Variants in C19orf18 observed in about 807,000 individuals in gnomAD.
The protein encoded by C19orf18 is uncharacterized protein C19orf18.
In C19orf18, 21 loss-of-function variants were observed where a neutral mutation model predicts 23.3. That is an observed-to-expected ratio of 0.90 (90% CI 0.64 to 1.30). The LOEUF is 1.30. C19orf18 is among the 50% of genes most tolerant of loss of function. The pLI is 0.00. For synonymous variants in C19orf18, 96 were observed against 95.2 expected, an observed-to-expected ratio of 1.01 and a Z score of -0.05; for missense variants, 249 against 259.6, an observed-to-expected ratio of 0.96 and a Z score of 0.28.
At position 57,966,561 on chromosome 19, in the gene C19orf18, T is replaced by C. The variant is rs2072909426; in HGVS notation, c.340A>G (p.Ile114Val). 1 of 1,611,976 alleles carries C rather than the reference T, an allele frequency of 6.2e-7. No homozygotes were observed. Among genetic ancestry groups the C allele is most frequent in the East Asian group, 2.2e-5 (1 of 44,872 alleles). ...ISSVAFSIALICGMAISYMIY... is the reference protein window; with the variant it reads ...ISSVAFSIALVCGMAISYMIY... ...ATATAGGAGATTGCCATCCCACATATCAGGGCAATGCTGAAGGCTACGCTC... is the reference window on the plus strand; with the variant it reads ...ATATAGGAGATTGCCATCCCACATACCAGGGCAATGCTGAAGGCTACGCTC... The change falls in exon 4 of 6, where the codon ATA becomes GTA. Residue 114 changes from isoleucine (I) to valine (V), a missense_variant. Transcript: ENST00000314391.
intron 4 of C19orf18, among the ~76,000 whole-genome samples, chr19:57,965,989 T>C (rs894215620): frequency 3.3e-5 from 5 of 151,688 alleles, no homozygotes; most frequent in Non-Finnish European, 7.4e-5. Flanking sequence ...TTTTCTTTTT[T>C]TTTTTTTCAG....
chr19:57,960,766 C>G (rs1409847541), intron 5 of C19orf18, among the ~76,000 whole-genome samples: 1 of 152,166 alleles, frequency 6.6e-6, no homozygotes, highest in Non-Finnish European at 1.5e-5. Context: ...TGAGCAACCC[C>G]ACAGCTGTTC....
chr19:57,973,724 C>CA (rs59211957), intron 2 of C19orf18, among the ~76,000 whole-genome samples: 32,818 of 107,420 alleles, frequency 0.31, 4,071 homozygotes, highest in African/African-American at 0.38. Flanking sequence ...GACTCTGTCT[C>CA]AAAAAAAAAA....
chr19:57,973,764 C>A (rs1457689757), intron 2 of C19orf18, among the ~76,000 whole-genome samples: 2 of 151,702 alleles, frequency 1.3e-5, no homozygotes, highest in East Asian at 3.9e-4. Context: ...TGTACACTCA[C>A]AAACCTTCTG....
At chr19:57,969,687 A>G (rs1339322939) in intron 3 of C19orf18, among the ~76,000 whole-genome samples, 1 of 146,958 alleles carries the variant, frequency 6.8e-6, no homozygotes, top group Non-Finnish European at 1.5e-5. Flanking sequence ...CGGGTGGATC[A>G]CCTGAGGTCA....
intron 3 of C19orf18, among the ~76,000 whole-genome samples, chr19:57,971,436 C>T (rs1240380832): frequency 1.3e-5 from 2 of 151,702 alleles, no homozygotes; most frequent in East Asian, 2.0e-4. Context: ...ATCCCAAGCC[C>T]GCCTTCCCTA....
intron 3 of C19orf18, among the ~76,000 whole-genome samples, chr19:57,969,710 C>T (rs534034057): frequency 2.0e-5 from 3 of 150,968 alleles, no homozygotes; most frequent in Admixed American, 6.6e-5. Flanking sequence ...AGTTTGAGAC[C>T]AGCCTGACCA....
At chr19:57,962,225 T>C (rs1315679965) in intron 4 of C19orf18, among the ~76,000 whole-genome samples, 11 of 151,772 alleles carry the variant, frequency 7.2e-5, no homozygotes, top group Non-Finnish European at 1.3e-4. Context: ...TTTTTAGAAA[T>C]TGCGTCTTGC....
intron 3 of C19orf18, 77 bp downstream of exon 3, chr19:57,972,386 C>A: frequency 1.3e-6 from 2 of 1,543,832 alleles, no homozygotes; most frequent in Admixed American, 1.8e-5. Context: ...GACCAGCCAG[C>A]ACCCTCTGGA....
intron 3 of C19orf18, among the ~76,000 whole-genome samples, chr19:57,969,357 C>A (rs547128932): frequency 6.6e-6 from 1 of 150,846 alleles, no homozygotes; most frequent in African/African-American, 2.4e-5. Flanking sequence ...GAGTTCAAGA[C>A]CAGCCTGGCC....
At chr19:57,969,575 A>G (rs2072930757) in intron 3 of C19orf18, among the ~76,000 whole-genome samples, 1 of 123,878 alleles carries the variant, frequency 8.1e-6, no homozygotes, top group African/African-American at 2.6e-5. Context: ...AGAAAAAAAA[A>G]AAAAAAAAAA....
intron 2 of C19orf18, among the ~76,000 whole-genome samples, chr19:57,972,993 C>CA (rs1483619679): frequency 2.0e-5 from 3 of 151,420 alleles, no homozygotes; most frequent in African/African-American, 7.3e-5. Flanking sequence ...ACTGAAAATA[C>CA]AAAAATTAGC....
intron 4 of C19orf18, among the ~76,000 whole-genome samples, chr19:57,962,178 G>A (rs1404997773): frequency 2.0e-5 from 3 of 151,812 alleles, no homozygotes; most frequent in Admixed American, 6.6e-5. Flanking sequence ...CCACAGGCTC[G>A]TGGCACCATG....
chr19:57,958,759 G>A (rs1305766125), intron 5 of C19orf18, 42 bp from the exon 6 acceptor site: 3 of 1,190,794 alleles, frequency 2.5e-6, no homozygotes, highest in African/African-American at 1.6e-5. Flanking sequence ...TAATAAGTGA[G>A]GAATAAAAAT....
At chr19:57,972,378 C>G in intron 3 of C19orf18, 85 bp downstream of exon 3, 1 of 1,506,702 alleles carries the variant, frequency 6.6e-7, no homozygotes, top group Non-Finnish European at 9.1e-7. Context: ...TCCTTGGTGA[C>G]CAGCCAGCAC....
chr19:57,972,605 G>A (rs1030219691), intron 2 of C19orf18, 101 bp from the exon 3 acceptor site: 46 of 1,269,446 alleles, frequency 3.6e-5, no homozygotes, highest in Admixed American at 2.3e-4. Context: ...GAAGGACGCC[G>A]AACACACAGC....
At chr19:57,966,662 C>G (rs1387058983) in intron 3 of C19orf18, 30 bp from the exon 4 acceptor site, 1 of 1,462,172 alleles carries the variant, frequency 6.8e-7, no homozygotes, top group South Asian at 1.2e-5. Flanking sequence ...AAGAAGTGCT[C>G]AAAAATGTTC....
intron 5 of C19orf18, among the ~76,000 whole-genome samples, chr19:57,959,165 T>C (rs932875433): frequency 6.6e-6 from 1 of 152,154 alleles, no homozygotes; most frequent in Non-Finnish European, 1.5e-5. Context: ...GTTTTCTCTC[T>C]AGAATTTTTT....
rs1295127049 is a variant in C19orf18 at position 57,958,746 on chromosome 19, T to C, written c.533-29A>G. 3.1e-6 allele frequency: 4 copies of C among 1,270,474 alleles called. No homozygotes were observed. The African/African-American group carries it at 4.5e-5, about 14-fold the overall frequency. The allele number at this position is 1,270,474 out of a possible 1,614,324, so 78.7% of individuals were successfully genotyped here. On this transcript the variant is annotated intron_variant, in intron 5 of 5. Transcript: ENST00000314391. ...AAATGTAGAAATGATGTTATTGAGA[T>C]AGTAATAAGTGAGGAATAAAAATGG...
Sources: gnomAD v4.1 joint callset for allele counts (sites outside exome capture counted in the v4.1 genomes callset) on GRCh38, gnomAD v4.1.1 for gene constraint, MANE v1.5 for transcripts, NCBI Gene and HGNC (gene_info 2026-07-23, HGNC 2026-07-21) for gene names.